Variants in MAP2 observed in about 807,000 individuals in gnomAD.
MAP2 encodes the protein microtubule-associated protein 2.
Under a neutral mutation model 137.6 loss-of-function variants are expected in MAP2, and 14 were observed. The ratio of observed to expected loss-of-function variants is 0.10; its 90% CI spans 0.07 to 0.16. MAP2 has a LOEUF of 0.16. Ranked by LOEUF, MAP2 falls within the 10% of genes least tolerant of loss-of-function variation. The probability of loss-of-function intolerance (pLI) is 1.00; values close to 1 mark genes in which losing one functional copy is unlikely to be tolerated. For missense variants in MAP2, 2,088 were observed against 2,191.5 expected, an observed-to-expected ratio of 0.95 and a Z score of 0.94; for synonymous variants, 786 against 782.3, an observed-to-expected ratio of 1.00 and a Z score of -0.08.
chr2:209,525,371 T>C (rs2063874808), intron 2 of MAP2, among the ~76,000 whole-genome samples: 1 of 152,174 alleles, frequency 6.6e-6, no homozygotes, highest in Non-Finnish European at 1.5e-5. Flanking sequence ...TGATATAGTC[T>C]ATACCAAAAT....
At chr2:209,501,125 A>G (rs1167691201) in intron 1 of MAP2, among the ~76,000 whole-genome samples, 2 of 151,972 alleles carry the variant, frequency 1.3e-5, no homozygotes, top group Non-Finnish European at 2.9e-5. Context: ...TTTTTTAAAT[A>G]TAACTGCAGT....
intron 5 of MAP2, among the ~76,000 whole-genome samples, chr2:209,664,701 C>T (rs1376786736): frequency 6.6e-6 from 1 of 151,648 alleles, no homozygotes; most frequent in Non-Finnish European, 1.5e-5. Flanking sequence ...GCTCATGCCT[C>T]TATCCCAGCA....
At chr2:209,428,871 A>G (rs1693329509) in intron 1 of MAP2, among the ~76,000 whole-genome samples, 1 of 151,944 alleles carries the variant, frequency 6.6e-6, no homozygotes, top group African/African-American at 2.4e-5. Flanking sequence ...GTTATAGGTA[A>G]TTGCTCGCCT....
At chr2:209,633,022 A>G (rs1405432322) in intron 4 of MAP2, among the ~76,000 whole-genome samples, 1 of 152,180 alleles carries the variant, frequency 6.6e-6, no homozygotes, top group East Asian at 1.9e-4. Context: ...ATTAAATGCC[A>G]TTTAGAACAC....
At chr2:209,709,676 A>G (rs946773102) in intron 12 of MAP2, among the ~76,000 whole-genome samples, 1 of 152,194 alleles carries the variant, frequency 6.6e-6, no homozygotes, top group Non-Finnish European at 1.5e-5. Flanking sequence ...AAATCAGAAA[A>G]AAAAAATCAG....
chr2:209,697,153 A>C, intron 10 of MAP2, 102 bp downstream of exon 10: 1 of 1,232,280 alleles, frequency 8.1e-7, no homozygotes, highest in Non-Finnish European at 1.1e-6. Context: ...TTCTTCCAAG[A>C]ATCTCAGCAG....
At chr2:209,723,389 C>A (rs906045160) in intron 13 of MAP2, among the ~76,000 whole-genome samples, 1 of 152,110 alleles carries the variant, frequency 6.6e-6, no homozygotes, top group Admixed American at 6.5e-5. Context: ...TAGCCTCTCT[C>A]GCATTTGACC....
intron 7 of MAP2, among the ~76,000 whole-genome samples, chr2:209,690,409 C>A (rs2153709331): frequency 6.6e-6 from 1 of 152,238 alleles, no homozygotes; most frequent in East Asian, 1.9e-4. Context: ...GATTATACAT[C>A]ATAGTTTTCC....
At chr2:209,555,320 T>C (rs1377730571) in intron 2 of MAP2, among the ~76,000 whole-genome samples, 1 of 152,218 alleles carries the variant, frequency 6.6e-6, no homozygotes, top group Non-Finnish European at 1.5e-5. Context: ...AAAGCTAAGA[T>C]GCCAGCGAAT....
intron 5 of MAP2, among the ~76,000 whole-genome samples, chr2:209,665,173 A>C (rs1038503327): frequency 1.3e-5 from 2 of 152,082 alleles, no homozygotes; most frequent in African/African-American, 4.8e-5. Context: ...TGGGAGTGAG[A>C]GTTGGGAGTA....
chr2:209,682,404 T>G (rs1195226802), intron 7 of MAP2, among the ~76,000 whole-genome samples: 1 of 152,018 alleles, frequency 6.6e-6, no homozygotes, highest in African/African-American at 2.4e-5. Flanking sequence ...GGCAGGAGAA[T>G]CACTTGAACC....
chr2:209,458,105 C>G (rs1013456264), intron 1 of MAP2, among the ~76,000 whole-genome samples: 2 of 152,008 alleles, frequency 1.3e-5, no homozygotes, highest in African/African-American at 4.8e-5. Context: ...GCAGAACTCT[C>G]TGCTGCTAAA....
intron 1 of MAP2, among the ~76,000 whole-genome samples, chr2:209,427,201 A>G (rs566103748): frequency 6.6e-6 from 1 of 152,278 alleles, no homozygotes; most frequent in South Asian, 2.1e-4. Context: ...TAACAGATTA[A>G]GATAAAGAAT....
At chr2:209,561,417 T>C (rs2072057271) in intron 2 of MAP2, among the ~76,000 whole-genome samples, 1 of 151,986 alleles carries the variant, frequency 6.6e-6, no homozygotes. Flanking sequence ...TTCAGGCTCA[T>C]GAAGAAGCTG....
Position 209,690,293 on chromosome 2 carries a change from T to TA in MAP2, c.455-2331dup, listed in dbSNP as rs199671252. On this transcript the variant is annotated intron_variant, in intron 7 of 15. Coordinates refer to ENST00000682079, the MANE Select transcript of MAP2 (RefSeq NM_001375505.1). ...GCAAGCTTTCCACATGCGTGCAACT[T>TA]ACTGCCGTTTCCAATAAGGGTAATC... 7.9e-3 allele frequency among the ~76,000 whole-genome samples: 1,198 copies of TA among 152,286 alleles called. 3 individuals carry two copies. The highest frequency in any genetic ancestry group is 0.011 in the Non-Finnish European group (774 of 68,020).
chr2:209,646,076 T>C (rs2094403360), intron 4 of MAP2, among the ~76,000 whole-genome samples: 1 of 152,094 alleles, frequency 6.6e-6, no homozygotes, highest in African/African-American at 2.4e-5. Flanking sequence ...TCCCAGCTAC[T>C]TAAGAGGCTG....
At chr2:209,611,128 C>A (rs11899684) in intron 3 of MAP2, among the ~76,000 whole-genome samples, 2 of 152,016 alleles carry the variant, frequency 1.3e-5, no homozygotes, top group Non-Finnish European at 2.9e-5. Context: ...TTACAAATGA[C>A]GCCAAATATT....
intron 2 of MAP2, among the ~76,000 whole-genome samples, chr2:209,561,513 C>T (rs114252274): frequency 0.02 from 3,063 of 152,236 alleles, 44 homozygotes; most frequent in Non-Finnish European, 0.03. Context: ...TGAGTCTCGA[C>T]CTGCTCACCT....
chr2:209,554,415 T>C (rs1578070090), intron 2 of MAP2, among the ~76,000 whole-genome samples: 2 of 152,326 alleles, frequency 1.3e-5, no homozygotes, highest in South Asian at 2.1e-4. Context: ...GATGTAAGCA[T>C]GGTACCATTG....
Sources: allele counts gnomAD v4.1 joint callset (sites outside exome capture counted in the v4.1 genomes callset), GRCh38; gene constraint gnomAD v4.1.1; transcripts MANE v1.5; gene names NCBI Gene and HGNC (gene_info 2026-07-23, HGNC 2026-07-21).